ANXA10: variants seen among roughly 807,000 people sequenced by gnomAD.
ANXA10 encodes annexin A10, also known as annexin 14.
ANXA10 carries 49 observed loss-of-function variants against 53.5 expected under a neutral mutation model. That is an observed-to-expected ratio of 0.92 (90% CI 0.73 to 1.16). The LOEUF (loss-of-function observed/expected upper bound fraction) is 1.16. Ranked by LOEUF, ANXA10 falls within the 50% of genes most tolerant of loss-of-function variation. The probability of loss-of-function intolerance (pLI) is 0.00; values close to 1 mark genes in which losing one functional copy is unlikely to be tolerated. For synonymous variants in ANXA10, 131 were observed against 128.9 expected (o/e 1.02, Z -0.11); for missense variants, 393 against 394.4 (o/e 1.00, Z 0.03).
At chr4:168,153,433 A>C (rs976130791) in intron 3 of ANXA10, among the ~76,000 whole-genome samples, 1 of 59,012 alleles carries the variant, frequency 1.7e-5, no homozygotes, top group Non-Finnish European at 4.1e-5. Flanking sequence ...AAAAAAAAAA[A>C]AAAAAAAACA....
intron 8 of ANXA10, 85 bp from the exon 9 acceptor site, chr4:168,179,132 T>C (rs1469114862): frequency 3.6e-6 from 3 of 830,294 alleles, no homozygotes; most frequent in Non-Finnish European, 5.7e-6. Flanking sequence ...TTATGGAAAA[T>C]ATGGATTTTT....
chr4:168,171,146 A>C (rs1731978063), intron 6 of ANXA10, among the ~76,000 whole-genome samples: 1 of 152,194 alleles, frequency 6.6e-6, no homozygotes, highest in Admixed American at 6.5e-5. Flanking sequence ...TCTGTGGTGT[A>C]CACAATTTCA....
chr4:168,103,786 A>G (rs1344566902), intron 1 of ANXA10, among the ~76,000 whole-genome samples: 1 of 151,968 alleles, frequency 6.6e-6, no homozygotes, highest in Non-Finnish European at 1.5e-5. Context: ...TTTTCTAGCC[A>G]TGAAAATGGT....
At chr4:168,181,395 A>C (rs1578940356) in intron 9 of ANXA10, among the ~76,000 whole-genome samples, 1 of 151,580 alleles carries the variant, frequency 6.6e-6, no homozygotes, top group South Asian at 2.1e-4. Flanking sequence ...CGTCTCAAAA[A>C]AAAAAAAAAA....
At position 168,184,699 on chromosome 4, in the gene ANXA10, G is replaced by T. The variant is rs1417681722; in HGVS notation, c.906+18G>T. On this transcript the variant is annotated intron_variant, in intron 11 of 11. Coordinates refer to ENST00000359299, the MANE Select transcript of ANXA10 (RefSeq NM_007193.5). ...ATATCAGAGTAAGTTTCCGACACAT[G>T]ATTTATTTGGACCCACATTTTCTCC... 1.2e-6 allele frequency: 2 copies of T among 1,610,940 alleles called. No individual in the cohort carries two copies. Among genetic ancestry groups the T allele is most frequent in the Middle Eastern group, 1.7e-4 (1 of 6,044 alleles).
intron 1 of ANXA10, among the ~76,000 whole-genome samples, chr4:168,099,594 A>G (rs1169394556): frequency 6.6e-6 from 1 of 152,116 alleles, no homozygotes; most frequent in Non-Finnish European, 1.5e-5. Context: ...AACCTAATAC[A>G]ACTTAACGAC....
At chr4:168,175,870 C>T (rs1266271393) in intron 6 of ANXA10, among the ~76,000 whole-genome samples, 3 of 152,144 alleles carry the variant, frequency 2.0e-5, no homozygotes, top group Non-Finnish European at 4.4e-5. Flanking sequence ...TTACTTATTT[C>T]TTTGTGAATA....
intron 3 of ANXA10, among the ~76,000 whole-genome samples, chr4:168,146,691 C>T (rs925588132): frequency 6.6e-6 from 1 of 152,168 alleles, no homozygotes; most frequent in Non-Finnish European, 1.5e-5. Context: ...AGAATCAGCC[C>T]TTACTGTGGA....
rs564127087 is a variant in ANXA10, at chr4:168,173,340, G to A, written c.481-4400G>A. Among the ~76,000 whole-genome samples the A allele has an allele frequency of 3.3e-5, 5 of 152,312 alleles. No homozygotes were observed. The East Asian group carries it at 5.8e-4, about 18-fold the overall frequency. ...GTAAATGAATTCAGAGAAGTAGCAC[G>A]TGGTAAGATTATGTCAAATCCTGAA... is the stretch of plus-strand genomic sequence containing the variant. On this transcript the variant is annotated intron_variant, in intron 6 of 11. Transcript: ENST00000359299.
chr4:168,134,121 T>C (rs945513688), intron 2 of ANXA10, among the ~76,000 whole-genome samples: 2 of 151,992 alleles, frequency 1.3e-5, no homozygotes, highest in East Asian at 1.9e-4. Context: ...CAATTATGTG[T>C]TAGGAAATAA....
intron 1 of ANXA10, among the ~76,000 whole-genome samples, chr4:168,116,588 G>A (rs1730897220): frequency 6.6e-6 from 1 of 151,356 alleles, no homozygotes; most frequent in South Asian, 2.1e-4. Context: ...ATAACTAGAA[G>A]TTTCAGTAAG....
intron 2 of ANXA10, among the ~76,000 whole-genome samples, chr4:168,129,919 A>T (rs1371469063): frequency 6.6e-6 from 1 of 152,174 alleles, no homozygotes; most frequent in Non-Finnish European, 1.5e-5. Flanking sequence ...TAACATGTGT[A>T]ATTGCTAGGT....
At chr4:168,100,183 A>G (rs1730617694) in intron 1 of ANXA10, among the ~76,000 whole-genome samples, 1 of 152,140 alleles carries the variant, frequency 6.6e-6, no homozygotes, top group South Asian at 2.1e-4. Context: ...ACATTTAGTC[A>G]TGTTTTTAAT....
intron 10 of ANXA10, 29 bp from the exon 11 acceptor site, chr4:168,184,530 C>A (rs781510719): frequency 1.9e-6 from 3 of 1,611,820 alleles, no homozygotes; most frequent in African/African-American, 1.3e-5. Context: ...GCTGTCTTCT[C>A]ATTTCTCCCA....
At chr4:168,108,462 G>A (rs1730752039) in intron 1 of ANXA10, among the ~76,000 whole-genome samples, 1 of 152,058 alleles carries the variant, frequency 6.6e-6, no homozygotes. Flanking sequence ...TGTTTCTTTG[G>A]GACCATTATA....
chr4:168,150,049 T>A (rs1468774564), intron 3 of ANXA10, among the ~76,000 whole-genome samples: 1 of 152,216 alleles, frequency 6.6e-6, no homozygotes, highest in African/African-American at 2.4e-5. Context: ...CAGCCTCTAC[T>A]TTCCCCAGTC....
intron 1 of ANXA10, among the ~76,000 whole-genome samples, chr4:168,118,638 T>A (rs1172481626): frequency 6.6e-6 from 1 of 152,230 alleles, no homozygotes; most frequent in African/African-American, 2.4e-5. Flanking sequence ...TGTACTCTCC[T>A]TAGAAAATAT....
At chr4:168,139,651 G>T (rs1248316955) in intron 3 of ANXA10, 71 bp downstream of exon 3, 5 of 1,195,792 alleles carry the variant, frequency 4.2e-6, no homozygotes, top group South Asian at 1.4e-5. Flanking sequence ...CGGATAATAG[G>T]TATTTTTTTT....
chr4:168,177,095 C>T (rs1226031430), intron 6 of ANXA10, among the ~76,000 whole-genome samples: 2 of 152,076 alleles, frequency 1.3e-5, no homozygotes, highest in East Asian at 3.9e-4. Context: ...CATATCTTGA[C>T]CCAAAAGAAA....
Sources: allele counts gnomAD v4.1 joint callset (sites outside exome capture counted in the v4.1 genomes callset), GRCh38; gene constraint gnomAD v4.1.1; transcripts MANE v1.5; gene names NCBI Gene and HGNC (gene_info 2026-07-23, HGNC 2026-07-21).